RAB31: variants seen among roughly 807,000 people sequenced by gnomAD.
The protein encoded by RAB31 is RAB31, member RAS oncogene family, also known as ras-related protein Rab-31.
A neutral mutation model predicts 25.6 loss-of-function variants in RAB31; 21 were observed. The observed-to-expected ratio is 0.82, with a 90% confidence interval of 0.58 to 1.18. The LOEUF is 1.18. RAB31 is among the 50% of genes most tolerant of loss of function. RAB31 has a pLI of 0.00. For missense variants in RAB31, 196 were observed against 250.1 expected (o/e 0.78, Z 1.46); for synonymous variants, 87 against 84.0 (o/e 1.04, Z -0.20).
At chr18:9,733,014 C>G (rs1473399852) in intron 1 of RAB31, among the ~76,000 whole-genome samples, 1 of 152,176 alleles carries the variant, frequency 6.6e-6, no homozygotes, top group Non-Finnish European at 1.5e-5. Context: ...CAGGTGGCAC[C>G]TGGCTCTGGA....
At chr18:9,713,862 C>T (rs1268514557) in intron 1 of RAB31, among the ~76,000 whole-genome samples, 1 of 152,188 alleles carries the variant, frequency 6.6e-6, no homozygotes, top group African/African-American at 2.4e-5. Context: ...GCTGTAACTT[C>T]ACATGACTGA....
intron 1 of RAB31, among the ~76,000 whole-genome samples, chr18:9,720,788 G>T (rs539047788): frequency 1.3e-5 from 2 of 151,904 alleles, no homozygotes; most frequent in Admixed American, 6.6e-5. Context: ...ATGCTTGACA[G>T]GGCGAGATCC....
chr18:9,838,631 A>G (rs74632006), intron 5 of RAB31, among the ~76,000 whole-genome samples: 2,199 of 152,240 alleles, frequency 0.014, 51 homozygotes, highest in African/African-American at 0.05. Context: ...AAACAACAAA[A>G]CAAGCACCCC....
At chr18:9,752,854 T>A (rs2068242471) in intron 1 of RAB31, among the ~76,000 whole-genome samples, 1 of 152,246 alleles carries the variant, frequency 6.6e-6, no homozygotes, top group East Asian at 1.9e-4. Flanking sequence ...ACGTATAGGA[T>A]GTTTATCCAG....
At chr18:9,813,029 G>T (rs747637333) in intron 3 of RAB31, among the ~76,000 whole-genome samples, 15 of 152,096 alleles carry the variant, frequency 9.9e-5, no homozygotes, top group Admixed American at 4.6e-4. Flanking sequence ...AAAAAAATAT[G>T]CAGATTAAGA....
rs1389397036 is a variant in RAB31, at chr18:9,729,981, G to A, written c.39+21537G>A. 2.0e-5 allele frequency among the ~76,000 whole-genome samples: 3 copies of A among 152,134 alleles called. No individual in the cohort carries two copies. In the East Asian group the frequency reaches 5.8e-4, roughly 29 times the overall value. On this transcript the variant is annotated intron_variant, in intron 1 of 6. Transcript: ENST00000578921. Reference sequence around the variant, plus strand: ...GATCTAAAGATGGACATTTGTCTATGTGGTAAATACGTGGTAGATTCTGGG... The same window carrying A: ...GATCTAAAGATGGACATTTGTCTATATGGTAAATACGTGGTAGATTCTGGG...
intron 5 of RAB31, among the ~76,000 whole-genome samples, chr18:9,817,988 C>T (rs1432199405): frequency 6.6e-6 from 1 of 152,182 alleles, no homozygotes; most frequent in Non-Finnish European, 1.5e-5. Context: ...TATCTTTTCT[C>T]CTCTTGTTTG....
At chr18:9,717,549 G>A (rs1277325918) in intron 1 of RAB31, among the ~76,000 whole-genome samples, 2 of 152,006 alleles carry the variant, frequency 1.3e-5, no homozygotes, top group Non-Finnish European at 2.9e-5. Context: ...TTGAAGAAAA[G>A]GATACCTGCA....
At chr18:9,794,803 A>G (rs2068478553) in intron 3 of RAB31, among the ~76,000 whole-genome samples, 1 of 152,158 alleles carries the variant, frequency 6.6e-6, no homozygotes, top group South Asian at 2.1e-4. Flanking sequence ...TGACAGAGAG[A>G]GAGTCTGTCT....
intron 5 of RAB31, among the ~76,000 whole-genome samples, chr18:9,829,356 TG>T (rs1426329401): frequency 2.0e-5 from 3 of 152,242 alleles, no homozygotes; most frequent in African/African-American, 7.2e-5. Flanking sequence ...TCACTCAGCA[TG>T]TTTGTCAGAT....
At chr18:9,748,221 G>A (rs945813144) in intron 1 of RAB31, among the ~76,000 whole-genome samples, 13 of 152,180 alleles carry the variant, frequency 8.5e-5, no homozygotes, top group Non-Finnish European at 1.9e-4. Context: ...ATTTGTCTGG[G>A]TGCAGTGGCT....
At chr18:9,821,833 C>T (rs1352602219) in intron 5 of RAB31, among the ~76,000 whole-genome samples, 3 of 152,032 alleles carry the variant, frequency 2.0e-5, no homozygotes, top group African/African-American at 7.2e-5. Flanking sequence ...AATGGAGAGA[C>T]ATATTATGTT....
intron 1 of RAB31, among the ~76,000 whole-genome samples, chr18:9,749,154 C>T (rs117670570): frequency 0.015 from 2,344 of 152,298 alleles, 26 homozygotes; most frequent in Non-Finnish European, 0.025. Flanking sequence ...CTTTTCCACA[C>T]GTATCAGCAC....
intron 5 of RAB31, among the ~76,000 whole-genome samples, chr18:9,827,582 C>T (rs1345888128): frequency 6.9e-6 from 1 of 145,698 alleles, no homozygotes. Context: ...TAACATCTTA[C>T]GGAAGCACTC....
intron 2 of RAB31, among the ~76,000 whole-genome samples, chr18:9,776,940 C>T (rs2068375116): frequency 1.3e-5 from 2 of 152,126 alleles, no homozygotes; most frequent in Non-Finnish European, 2.9e-5. Context: ...GCCAACATGA[C>T]GCTCAAAGGT....
chr18:9,732,204 G>C (rs2068126388), intron 1 of RAB31, among the ~76,000 whole-genome samples: 1 of 152,204 alleles, frequency 6.6e-6, no homozygotes, highest in Admixed American at 6.5e-5. Flanking sequence ...GCAGGTACCA[G>C]ACCATCTTCG....
At chr18:9,754,214 T>G (rs1388776133) in intron 1 of RAB31, among the ~76,000 whole-genome samples, 1 of 152,230 alleles carries the variant, frequency 6.6e-6, no homozygotes, top group Non-Finnish European at 1.5e-5. Flanking sequence ...TCCATGTTTG[T>G]GGACTTAACA....
chr18:9,787,434 C>G (rs2068439169), intron 2 of RAB31: 1 of 160,200 alleles, frequency 6.2e-6, no homozygotes, highest in South Asian at 1.8e-4. Context: ...AGAAACTCTA[C>G]AAATGTAATG....
chr18:9,851,770 A>G (rs1367463047), intron 6 of RAB31, among the ~76,000 whole-genome samples: 1 of 152,234 alleles, frequency 6.6e-6, no homozygotes, highest in Non-Finnish European at 1.5e-5. Flanking sequence ...TTGTTTACTG[A>G]CATAAAAAGA....
Sources: allele counts gnomAD v4.1 joint callset (sites outside exome capture counted in the v4.1 genomes callset), GRCh38; gene constraint gnomAD v4.1.1; transcripts MANE v1.5; gene names NCBI Gene and HGNC (gene_info 2026-07-23, HGNC 2026-07-21).